Variants in SH3D19 observed in about 807,000 individuals in gnomAD.
SH3D19 encodes the protein SH3 domain containing 19.
In SH3D19, 58 loss-of-function variants were observed where a neutral mutation model predicts 112.1. The ratio of observed to expected loss-of-function variants is 0.52; its 90% confidence interval spans 0.42 to 0.64. SH3D19 has a LOEUF of 0.64. SH3D19 is among the 30% of genes least tolerant of loss of function. SH3D19 has a pLI of 0.00. For missense variants in SH3D19, 1,090 were observed against 1,263.4 expected (o/e 0.86, Z 2.08); for synonymous variants, 391 against 448.5 (o/e 0.87, Z 1.62).
chr4:151,159,439 A>G lies in SH3D19; in HGVS notation c.1643-87T>C, dbSNP rs1049717972. 13 of 778,870 alleles carry G rather than the reference A, an allele frequency of 1.7e-5. No homozygotes were observed. In the African/African-American group the frequency reaches 2.4e-4, roughly 14 times the overall value. The allele number at this position is 778,870 out of a possible 1,614,324, so 48.2% of individuals were successfully genotyped here. A position where few individuals can be genotyped will look rare whatever the true frequency, so the allele number is the denominator to read the frequency against. On this transcript the variant is annotated intron_variant, in intron 8 of 19. Transcript: ENST00000604030. The stretch of plus-strand genomic sequence containing the variant: ...TGATTGCTGCTTAGTTTATTAGAAA[A>G]ATGGCTATCATAAAAGATACACACA...
chr4:151,250,343 G>A (rs1771266255), intron 1 of SH3D19, among the ~76,000 whole-genome samples: 1 of 152,074 alleles, frequency 6.6e-6, no homozygotes, highest in Non-Finnish European at 1.5e-5. Context: ...GGCATGGAAG[G>A]ACTTTGAAAA....
At chr4:151,298,181 ATTT>A (rs386401883) in intron 1 of SH3D19, among the ~76,000 whole-genome samples, 37 of 94,888 alleles carry the variant, frequency 3.9e-4, no homozygotes, top group African/African-American at 6.7e-4. Flanking sequence ...AGAATAATAA[ATTT>A]TTTTTTTTTT....
chr4:151,271,278 A>T (rs1580368096), intron 1 of SH3D19, among the ~76,000 whole-genome samples: 1 of 152,248 alleles, frequency 6.6e-6, no homozygotes, highest in African/African-American at 2.4e-5. Context: ...ATTTTCCAAT[A>T]TAGTAGACTG....
chr4:151,122,224 G>A lies in SH3D19; in HGVS notation c.3028-17C>T. On this transcript the variant is annotated splice_polypyrimidine_tract_variant and intron_variant, in intron 19 of 19. Coordinates refer to ENST00000604030, the MANE Select transcript of SH3D19 (RefSeq NM_001378122.1). ...ATCTCCAGCCTGTAAGACAAAAGGAGTTAGAATTACTGGTTTCTGTTGAGA... is the reference window on the plus strand; with the variant it reads ...ATCTCCAGCCTGTAAGACAAAAGGAATTAGAATTACTGGTTTCTGTTGAGA... 1 of 1,389,988 alleles carries A rather than the reference G, an allele frequency of 7.2e-7. No homozygotes were observed. 86.1% of individuals were successfully genotyped at this position (1,389,988 alleles called of 1,614,324 possible). A position where few individuals can be genotyped will look rare whatever the true frequency, so the allele number is the denominator to read the frequency against.
intron 2 of SH3D19, among the ~76,000 whole-genome samples, chr4:151,204,760 T>C (rs537971349): frequency 2.4e-4 from 37 of 152,348 alleles, no homozygotes; most frequent in Non-Finnish European, 4.3e-4. Flanking sequence ...GGTGATATTT[T>C]TAACAATCAT....
chr4:151,291,154 G>A (rs1394957142), intron 1 of SH3D19: 2 of 1,613,572 alleles, frequency 1.2e-6, no homozygotes, highest in Admixed American at 1.7e-5. Flanking sequence ...TCACATTGAT[G>A]GTGTATGGAT....
intron 8 of SH3D19, among the ~76,000 whole-genome samples, chr4:151,160,562 C>T (rs1756979383): frequency 1.3e-5 from 2 of 152,060 alleles, no homozygotes; most frequent in African/African-American, 4.8e-5. Context: ...AATGAGTGTG[C>T]AAAAACAATT....
intron 11 of SH3D19, among the ~76,000 whole-genome samples, chr4:151,147,336 C>A (rs537115805): frequency 6.6e-6 from 1 of 152,322 alleles, no homozygotes; most frequent in Non-Finnish European, 1.5e-5. Context: ...GTATAACCCA[C>A]TGGGTCAGGT....
intron 1 of SH3D19, among the ~76,000 whole-genome samples, chr4:151,305,484 T>G (rs188934692): frequency 6.6e-6 from 1 of 152,218 alleles, no homozygotes; most frequent in African/African-American, 2.4e-5. Flanking sequence ...AACAACCCAA[T>G]TTTTAAATGT....
chr4:151,246,689 T>G (rs1191300837), intron 1 of SH3D19, among the ~76,000 whole-genome samples: 3 of 152,208 alleles, frequency 2.0e-5, no homozygotes, highest in Admixed American at 2.0e-4. Context: ...CTTACCTAAC[T>G]GCTTAACTCA....
At position 151,214,611 on chromosome 4, in the gene SH3D19, C is replaced by A. The variant is rs568144694; in HGVS notation, c.152+11436G>T. The stretch of plus-strand genomic sequence containing the variant: ...GCTGACCCCCCACCTCCCTCCCGGA[C>A]GGGGCGGCTGGCCGGGCGGGGGGCT... On this transcript the variant is annotated intron_variant, in intron 2 of 19. Transcript: ENST00000604030. 9.0e-5 allele frequency among the ~76,000 whole-genome samples: 10 copies of A among 111,434 alleles called. 1 individual carries two copies. The highest frequency in any genetic ancestry group is 4.6e-4 in the Admixed American group (5 of 10,852). The allele number at this position is 111,434 out of a possible 152,430, so 73.1% of individuals were successfully genotyped here. A position where few individuals can be genotyped will look rare whatever the true frequency, so the allele number is the denominator to read the frequency against.
chr4:151,290,383 T>C (rs757351946), intron 1 of SH3D19, among the ~76,000 whole-genome samples: 1 of 152,186 alleles, frequency 6.6e-6, no homozygotes, highest in Admixed American at 6.5e-5. Context: ...GGAGTACTGA[T>C]ACAACATGAA....
intron 9 of SH3D19, among the ~76,000 whole-genome samples, chr4:151,156,822 CAACCAAA>C (rs1443384226): frequency 6.6e-6 from 1 of 152,134 alleles, no homozygotes; most frequent in Non-Finnish European, 1.5e-5. Flanking sequence ...GGGCTTATAT[CAACCAAA>C]AATCTTTTGC....
intron 9 of SH3D19, among the ~76,000 whole-genome samples, chr4:151,151,233 T>C (rs1755014812): frequency 6.6e-6 from 1 of 152,170 alleles, no homozygotes. Context: ...AGTGCTGGGA[T>C]TACACGCGTG....
At chr4:151,137,448 A>T (rs1579704157) in intron 14 of SH3D19, among the ~76,000 whole-genome samples, 2 of 152,332 alleles carry the variant, frequency 1.3e-5, no homozygotes, top group South Asian at 2.1e-4. Flanking sequence ...ATATATCCTT[A>T]AGTGCTTAAC....
intron 1 of SH3D19, among the ~76,000 whole-genome samples, chr4:151,310,424 G>A (rs1729336095): frequency 6.6e-6 from 1 of 152,042 alleles, no homozygotes. Context: ...AGGATGTGAA[G>A]AAAAGGAAAC....
intron 1 of SH3D19, among the ~76,000 whole-genome samples, chr4:151,253,299 C>T (rs1771549289): frequency 6.6e-6 from 1 of 152,252 alleles, no homozygotes; most frequent in African/African-American, 2.4e-5. Flanking sequence ...TTCAACCCCT[C>T]TTCCCTCAGT....
chr4:151,171,495 ATTTGCAATGTTTATTCT>A (rs1759050789), intron 7 of SH3D19, among the ~76,000 whole-genome samples: 1 of 152,068 alleles, frequency 6.6e-6, no homozygotes, highest in African/African-American at 2.4e-5. Flanking sequence ...GTCTACTTGT[ATTTGCAATGTTTATTCT>A]GTCTTCCCTC....
intron 10 of SH3D19, among the ~76,000 whole-genome samples, chr4:151,148,399 T>A (rs1754326640): frequency 6.6e-6 from 1 of 152,176 alleles, no homozygotes; most frequent in Admixed American, 6.5e-5. Flanking sequence ...GGAAATGCCA[T>A]GATGTTCCAG....
Sources: gnomAD v4.1 joint callset for allele counts (sites outside exome capture counted in the v4.1 genomes callset) on GRCh38, gnomAD v4.1.1 for gene constraint, MANE v1.5 for transcripts, NCBI Gene and HGNC (gene_info 2026-07-23, HGNC 2026-07-21) for gene names.